The following UBE2U variants were observed in gnomAD, a reference collection of about 807,000 sequenced individuals.
UBE2U encodes the protein ubiquitin-conjugating enzyme E2 U.
Under a neutral mutation model 41.2 loss-of-function variants are expected in UBE2U, and 39 were observed. The ratio of observed to expected loss-of-function variants is 0.95; its 90% CI spans 0.73 to 1.24. The LOEUF (loss-of-function observed/expected upper bound fraction) is 1.24, where lower values mean the gene tolerates loss of function less well. Among genes scored for constraint, UBE2U ranks in the 50% most tolerant of loss-of-function variants. The probability of loss-of-function intolerance (pLI) is 0.00; values close to 1 mark genes in which losing one functional copy is unlikely to be tolerated. For missense variants in UBE2U, 336 were observed against 363.1 expected (o/e 0.93, Z 0.61); for synonymous variants, 107 against 117.8 (o/e 0.91, Z 0.60).
At chr1:64,236,758 G>A (rs868836214) in intron 7 of UBE2U, among the ~76,000 whole-genome samples, 4 of 152,162 alleles carry the variant, frequency 2.6e-5, no homozygotes, top group East Asian at 1.9e-4. Context: ...TCTTTGAGTC[G>A]TTAAGCCAGC....
intron 8 of UBE2U, among the ~76,000 whole-genome samples, chr1:64,252,531 G>T (rs1645028332): frequency 6.6e-6 from 1 of 152,200 alleles, no homozygotes; most frequent in South Asian, 2.1e-4. Flanking sequence ...CTCTAGGATG[G>T]AGCTTCCAGA....
chr1:64,242,940 TA>T (rs1644860029), intron 8 of UBE2U, among the ~76,000 whole-genome samples: 1 of 152,206 alleles, frequency 6.6e-6, no homozygotes, highest in African/African-American at 2.4e-5. Flanking sequence ...AGAACTGTTT[TA>T]TTTGTTTGAT....
intron 5 of UBE2U, among the ~76,000 whole-genome samples, chr1:64,217,728 A>C (rs928372102): frequency 3.9e-5 from 6 of 152,188 alleles, no homozygotes. Context: ...CATCTAATAC[A>C]TTTCAGATGC....
chr1:64,240,248 T>G (rs1644813008), intron 7 of UBE2U, among the ~76,000 whole-genome samples: 1 of 152,178 alleles, frequency 6.6e-6, no homozygotes, highest in Admixed American at 6.5e-5. Context: ...TGATCCAGTT[T>G]GGGACACTAA....
intron 7 of UBE2U, among the ~76,000 whole-genome samples, chr1:64,233,026 G>A (rs78548628): frequency 2.0e-5 from 3 of 147,460 alleles, no homozygotes; most frequent in Non-Finnish European, 4.5e-5. Flanking sequence ...TTTTTTTTTC[G>A]AGATGGAGTC....
chr1:64,204,527 TG>T (rs1006463216), intron 1 of UBE2U, among the ~76,000 whole-genome samples: 5 of 152,220 alleles, frequency 3.3e-5, no homozygotes, highest in African/African-American at 1.2e-4. Flanking sequence ...ACAGGGTTTT[TG>T]GACTTCAAAG....
intron 7 of UBE2U, among the ~76,000 whole-genome samples, chr1:64,236,319 TCTGATAC>T (rs1644666336): frequency 6.6e-6 from 1 of 152,212 alleles, no homozygotes; most frequent in African/African-American, 2.4e-5. Context: ...TTGCTCTTTC[TCTGATAC>T]TCTACTGCCT....
intron 6 of UBE2U, among the ~76,000 whole-genome samples, chr1:64,225,353 G>A (rs1039637228): frequency 1.3e-5 from 2 of 152,160 alleles, no homozygotes; most frequent in African/African-American, 2.4e-5. Flanking sequence ...ACAGCAAGGG[G>A]GAAAAGAGAA....
intron 5 of UBE2U, among the ~76,000 whole-genome samples, chr1:64,218,785 T>C (rs1387674723): frequency 6.6e-6 from 1 of 152,244 alleles, no homozygotes; most frequent in African/African-American, 2.4e-5. Flanking sequence ...TGATTATCTT[T>C]CTTTTCTTGT....
chr1:64,227,268 C>G (rs1188947713), intron 6 of UBE2U, among the ~76,000 whole-genome samples: 1 of 151,976 alleles, frequency 6.6e-6, no homozygotes, highest in Admixed American at 6.6e-5. Context: ...GAGGTTCTAG[C>G]CAGTGCAATG....
At chr1:64,257,788 T>C (rs1645118276) in intron 8 of UBE2U, among the ~76,000 whole-genome samples, 1 of 151,922 alleles carries the variant, frequency 6.6e-6, no homozygotes, top group South Asian at 2.1e-4. Context: ...AAGTTGAAGA[T>C]AAAAAAGACT....
At chr1:64,263,562 A>G (rs1003916223) in intron 9 of UBE2U, among the ~76,000 whole-genome samples, 2 of 152,310 alleles carry the variant, frequency 1.3e-5, no homozygotes, top group Admixed American at 1.3e-4. Flanking sequence ...GCTGTATGTC[A>G]CTAAGATTTT....
chr1:64,249,377 CAAAAAAAAA>C (rs71584441), intron 8 of UBE2U, among the ~76,000 whole-genome samples: 1 of 67,366 alleles, frequency 1.5e-5, no homozygotes, highest in Admixed American at 1.8e-4. Context: ...GACTCTGTCT[CAAAAAAAAA>C]AAAAAAAAAA....
intron 8 of UBE2U, among the ~76,000 whole-genome samples, chr1:64,254,193 T>C (rs1645055982): frequency 6.6e-6 from 1 of 152,140 alleles, no homozygotes. Flanking sequence ...AGGGTTCAAT[T>C]TGACAACAAG....
In UBE2U at chr1:64,203,957, C is replaced by A; in HGVS notation, c.-94C>A. 2 of 1,084,270 alleles carry A rather than the reference C, an allele frequency of 1.8e-6. No homozygotes were observed. Among genetic ancestry groups the A allele is most frequent in the South Asian group, 1.5e-5 (1 of 65,088 alleles). 67.2% of individuals were successfully genotyped at this position (1,084,270 alleles called of 1,614,324 possible). On this transcript the variant is annotated 5_prime_UTR_variant, in exon 1 of 10. Coordinates refer to ENST00000371077, the MANE Select transcript of UBE2U (RefSeq NM_001366232.2). ...AAAGCAAGTAACTTATATCAGTTTA[C>A]TAAGTGTGGGAAAGTGACCCATAAC...
intron 6 of UBE2U, among the ~76,000 whole-genome samples, chr1:64,228,707 T>A (rs568320844): frequency 4.3e-5 from 4 of 92,626 alleles, no homozygotes; most frequent in African/African-American, 1.5e-4. Flanking sequence ...TTTTTTTTTT[T>A]AAGACAGAGT....
chr1:64,239,276 G>GAAATAGGAA (rs1644790734), intron 7 of UBE2U, among the ~76,000 whole-genome samples: 1 of 151,904 alleles, frequency 6.6e-6, no homozygotes, highest in African/African-American at 2.4e-5. Flanking sequence ...ACAATAATAA[G>GAAATAGGAA]AAATAGGAAA....
At chr1:64,254,843 T>C (rs1445760120) in intron 8 of UBE2U, among the ~76,000 whole-genome samples, 1 of 151,862 alleles carries the variant, frequency 6.6e-6, no homozygotes, top group East Asian at 1.9e-4. Flanking sequence ...GTTAACAATC[T>C]AACATCACAA....
chr1:64,253,409 A>G (rs1033005098), intron 8 of UBE2U, among the ~76,000 whole-genome samples: 11 of 152,202 alleles, frequency 7.2e-5, no homozygotes, highest in African/African-American at 2.7e-4. Flanking sequence ...CAGGAAATCC[A>G]GAGAACCCCA....
Sources: gnomAD v4.1 joint callset for allele counts (sites outside exome capture counted in the v4.1 genomes callset) on GRCh38, gnomAD v4.1.1 for gene constraint, MANE v1.5 for transcripts, NCBI Gene and HGNC (gene_info 2026-07-23, HGNC 2026-07-21) for gene names.